Variants in POP1 observed in about 807,000 individuals in gnomAD.
POP1 encodes ribonucleases P/MRP protein subunit POP1.
A neutral mutation model predicts 102.2 loss-of-function variants in POP1; 75 were observed. The ratio of observed to expected loss-of-function variants is 0.73; its 90% CI spans 0.61 to 0.89. POP1 has a LOEUF of 0.89. POP1 is among the 40% of genes least tolerant of loss of function. The pLI, the probability that POP1 is intolerant of heterozygous loss-of-function variation, is 0.00. For synonymous variants in POP1, 436 were observed against 464.1 expected (o/e 0.94, Z 0.78); for missense variants, 1,116 against 1,267.4 (o/e 0.88, Z 1.81).
rs1195223265 is a variant in POP1, at chr8:98,128,560, T to G, written c.486+20T>G. 1 of 1,612,094 alleles carries G rather than the reference T, an allele frequency of 6.2e-7. No individual in the cohort carries two copies. Reference sequence around the variant, plus strand: ...AAAGAGGTAGGAGTTCCACTTAGTGTAAATGTTTAGATTAGTAGCTCCTAG... The same window carrying G: ...AAAGAGGTAGGAGTTCCACTTAGTGGAAATGTTTAGATTAGTAGCTCCTAG... On this transcript the variant is annotated intron_variant, in intron 4 of 15. Coordinates refer to ENST00000401707, the MANE Select transcript of POP1 (RefSeq NM_001145860.2).
intron 14 of POP1, 141 bp from the exon 15 acceptor site, chr8:98,155,909 T>C: frequency 3.9e-6 from 2 of 517,722 alleles, no homozygotes; most frequent in South Asian, 3.7e-5. Context: ...TGGAAAGCTT[T>C]TGTGTGTGTG....
intron 13 of POP1, among the ~76,000 whole-genome samples, chr8:98,149,626 G>T (rs1403796301): frequency 1.3e-5 from 2 of 152,032 alleles, no homozygotes; most frequent in African/African-American, 4.8e-5. Flanking sequence ...GTGTGGTGGT[G>T]CATACCTGTA....
intron 4 of POP1, among the ~76,000 whole-genome samples, chr8:98,129,475 T>A (rs1376271648): frequency 6.6e-6 from 1 of 152,256 alleles, no homozygotes; most frequent in Non-Finnish European, 1.5e-5. Context: ...AGATTTAATA[T>A]AAAATCTGTT....
intron 1 of POP1, among the ~76,000 whole-genome samples, chr8:98,122,318 C>T (rs1816054802): frequency 6.6e-6 from 1 of 152,152 alleles, no homozygotes; most frequent in Non-Finnish European, 1.5e-5. Flanking sequence ...ACCTGTGCTG[C>T]TTTGCCTTTG....
intron 5 of POP1, among the ~76,000 whole-genome samples, chr8:98,131,755 C>T (rs2130593522): frequency 6.6e-6 from 1 of 152,334 alleles, no homozygotes; most frequent in African/African-American, 2.4e-5. Context: ...TCCAATTTCT[C>T]CTCATCCTTT....
In POP1 at chr8:98,130,133, G is replaced by A. The variant is rs563607865; in HGVS notation, c.642G>A (p.Met214Ile). 6 of 1,614,216 alleles carry A rather than the reference G, an allele frequency of 3.7e-6. No individual in the cohort carries two copies. Among genetic ancestry groups the A allele is most frequent in the Middle Eastern group, 1.6e-4 (1 of 6,062 alleles). The part of the protein sequence containing the change: ...THIWHAKRFH[M>I]VKKWGYCLGE... ...TCTGGCACGCCAAGCGGTTTCATAT[G>A]GTCAAGAAGTGGGGCTACTGCCTTG... Residue 214 changes from methionine (M) to isoleucine (I), a missense_variant, in exon 5 of 16, where the codon ATG becomes ATA. Physicochemically the swap from Met to Ile is conservative, Grantham distance 10 (BLOSUM62 1). Coordinates refer to ENST00000401707, the MANE Select transcript of POP1 (RefSeq NM_001145860.2).
intron 14 of POP1, among the ~76,000 whole-genome samples, chr8:98,152,340 G>A (rs1809535112): frequency 6.6e-6 from 1 of 152,220 alleles, no homozygotes; most frequent in East Asian, 1.9e-4. Context: ...AATATGGTAT[G>A]TATGGTTTTA....
At chr8:98,138,131 C>A (rs1816601423) in intron 9 of POP1, among the ~76,000 whole-genome samples, 1 of 152,210 alleles carries the variant, frequency 6.6e-6, no homozygotes, top group South Asian at 2.1e-4. Flanking sequence ...TTTCCTCCAT[C>A]CTTCCTCCTT....
rs1294664928 is a variant in POP1 at position 98,159,794 on chromosome 8, T to C, written c.*1523T>C. On this transcript the variant is annotated 3_prime_UTR_variant, in exon 16 of 16. Transcript: ENST00000401707. ...ACTGAAAAAAAAAAAACAGTGTAAC[T>C]AAGTGGCATCTGTAAACAGAATAAA... is the stretch of plus-strand genomic sequence containing the variant. 2 of 151,936 alleles carry C rather than the reference T, an allele frequency of 1.3e-5. No individual in the cohort carries two copies. The highest frequency in any genetic ancestry group is 2.4e-5 in the African/African-American group (1 of 41,306). 9.4% of individuals were successfully genotyped at this position (151,936 alleles called of 1,614,324 possible). A position where few individuals can be genotyped will look rare whatever the true frequency, so the allele number is the denominator to read the frequency against.
rs72680613 is a variant in POP1 at position 98,146,363 on chromosome 8, A to G, written c.1595-205A>G. Among the ~76,000 whole-genome samples, 19,351 of 152,350 alleles carry G rather than the reference A, an allele frequency of 0.13. 1,334 individuals carry two copies. The highest frequency in any genetic ancestry group is 0.26 in the Middle Eastern group (77 of 294). On this transcript the variant is annotated intron_variant, in intron 11 of 15. Coordinates refer to ENST00000401707, the MANE Select transcript of POP1 (RefSeq NM_001145860.2). ...TTATACATGAAAAATCAATACCAGA[A>G]AAAACTGCTTAGGAGCCTTTGCTAT...
intron 11 of POP1, among the ~76,000 whole-genome samples, chr8:98,143,386 C>G (rs1242340573): frequency 1.3e-5 from 2 of 152,180 alleles, no homozygotes; most frequent in Non-Finnish European, 2.9e-5. Flanking sequence ...TTTAGATTCA[C>G]AGCAAAATTG....
chr8:98,152,034 T>G (rs1393008333), intron 14 of POP1, among the ~76,000 whole-genome samples: 1 of 152,158 alleles, frequency 6.6e-6, no homozygotes, highest in Non-Finnish European at 1.5e-5. Flanking sequence ...CTGCCTGGCC[T>G]GTGCCTGCGT....
intron 12 of POP1, 128 bp from the exon 13 acceptor site, chr8:98,148,687 A>T: frequency 1.2e-6 from 1 of 827,480 alleles, no homozygotes; most frequent in South Asian, 1.5e-5. Flanking sequence ...ACATTTATTT[A>T]TTTAGAACGT....
chr8:98,153,761 C>A (rs967740730), intron 14 of POP1, among the ~76,000 whole-genome samples: 2 of 152,044 alleles, frequency 1.3e-5, no homozygotes, highest in African/African-American at 2.4e-5. Context: ...TGGTCTTGAT[C>A]TTTTGACCTT....
intron 11 of POP1, among the ~76,000 whole-genome samples, chr8:98,144,220 C>T (rs763753603): frequency 1.3e-5 from 2 of 152,010 alleles, no homozygotes; most frequent in Admixed American, 1.3e-4. Context: ...TTCTTTTTAG[C>T]TCAATAATAC....
chr8:98,134,986 A>G (rs1816489596), intron 7 of POP1, among the ~76,000 whole-genome samples: 1 of 152,188 alleles, frequency 6.6e-6, no homozygotes, highest in Non-Finnish European at 1.5e-5. Context: ...ATCAAATATA[A>G]TGAAGTCAGG....
In POP1 at chr8:98,157,631, T is replaced by C. The variant is rs1283381364; in HGVS notation, c.2435T>C (p.Leu812Pro). 21 of 1,614,226 alleles carry C rather than the reference T, an allele frequency of 1.3e-5. No homozygotes were observed. Among genetic ancestry groups the C allele is most frequent in the Non-Finnish European group, 1.6e-5 (19 of 1,180,034 alleles). The part of the protein sequence containing the change: ...HLCVLRSRKL[L>P]KQLSAWCGPS... ...ACTTCATGTAGGAGTAGAAAATTACTGAAGCAACTGTCAGCCTGGTGTGGG... is the reference window on the plus strand; with the variant it reads ...ACTTCATGTAGGAGTAGAAAATTACCGAAGCAACTGTCAGCCTGGTGTGGG... The change falls in exon 16 of 16, where the codon CTG (leucine) becomes CCG (proline). Residue 812 changes from leucine to proline, a missense_variant. By Grantham distance (98) the Leu-to-Pro change is moderately conservative. Transcript: ENST00000401707.
chr8:98,127,830 T>C (rs1342886023), intron 3 of POP1, 68 bp downstream of exon 3: 1 of 1,531,840 alleles, frequency 6.5e-7, no homozygotes, highest in Non-Finnish European at 9.0e-7. Flanking sequence ...AGCAACAAAC[T>C]GCCCTCCTTG....
intron 11 of POP1, among the ~76,000 whole-genome samples, chr8:98,143,603 G>T (rs978247776): frequency 6.6e-6 from 1 of 152,096 alleles, no homozygotes; most frequent in Non-Finnish European, 1.5e-5. Context: ...ACTCTTGGTG[G>T]TATATATACT....
Sources: allele counts gnomAD v4.1 joint callset (sites outside exome capture counted in the v4.1 genomes callset), GRCh38; gene constraint gnomAD v4.1.1; transcripts MANE v1.5; gene names NCBI Gene and HGNC (gene_info 2026-07-23, HGNC 2026-07-21).